The following PPP1R12A variants were observed in gnomAD, a reference collection of about 807,000 sequenced individuals.
The protein encoded by PPP1R12A is myosin binding subunit.
In PPP1R12A, 19 loss-of-function variants were observed where a neutral mutation model predicts 139.6. The ratio of observed to expected loss-of-function variants is 0.14; its 90% confidence interval spans 0.09 to 0.20. The LOEUF (loss-of-function observed/expected upper bound fraction) is 0.20. PPP1R12A is among the 10% of genes least tolerant of loss of function. The probability of loss-of-function intolerance (pLI) is 1.00; values close to 1 mark genes in which losing one functional copy is unlikely to be tolerated. For missense variants in PPP1R12A, 925 were observed against 1,211.5 expected (o/e 0.76, Z 3.51); for synonymous variants, 427 against 420.6 (o/e 1.02, Z -0.19).
At chr12:79,808,620 C>T in intron 10 of PPP1R12A, 43 bp from the exon 11 acceptor site, 1 of 1,167,194 alleles carries the variant, frequency 8.6e-7, no homozygotes, top group Non-Finnish European at 1.3e-6. Context: ...AATTTGGGTA[C>T]TGACTATAGG....
At chr12:79,921,071 T>C (rs539304387) in intron 1 of PPP1R12A, among the ~76,000 whole-genome samples, 59 of 152,316 alleles carry the variant, frequency 3.9e-4, no homozygotes, top group South Asian at 2.7e-3. Flanking sequence ...TGTTGGTATA[T>C]TTTTGCTCAA....
rs924105725 is a variant in PPP1R12A, at chr12:79,841,928, G to A, written c.487+3374C>T. On this transcript the variant is annotated intron_variant, in intron 3 of 24. Coordinates refer to ENST00000450142, the MANE Select transcript of PPP1R12A (RefSeq NM_002480.3). ...TCTATTGCATTTCTTGTTTTTTTTAGGCTCTAGTTATATTTAATCACTTTT... is the reference window on the plus strand; with the variant it reads ...TCTATTGCATTTCTTGTTTTTTTTAAGCTCTAGTTATATTTAATCACTTTT... 2.0e-5 allele frequency among the ~76,000 whole-genome samples: 3 copies of A among 151,768 alleles called. No homozygotes were observed. The East Asian group carries it at 5.8e-4, about 29-fold the overall frequency.
intron 8 of PPP1R12A, 111 bp downstream of exon 8, chr12:79,820,663 T>G (rs532269407): frequency 3.3e-4 from 334 of 1,023,420 alleles, no homozygotes; most frequent in East Asian, 1.1e-3. Context: ...GTGTGGCAGG[T>G]ATCTAAACAA....
chr12:79,929,246 T>C (rs1190025322), intron 1 of PPP1R12A, among the ~76,000 whole-genome samples: 6 of 152,210 alleles, frequency 3.9e-5, no homozygotes, highest in Non-Finnish European at 7.3e-5. Context: ...GCAGTAATGC[T>C]AGCTTGCCAG....
At chr12:79,890,572 T>A (rs1436841052) in intron 1 of PPP1R12A, among the ~76,000 whole-genome samples, 1 of 152,188 alleles carries the variant, frequency 6.6e-6, no homozygotes, top group Non-Finnish European at 1.5e-5. Flanking sequence ...AATAAGCATA[T>A]GTAATATGCA....
chr12:79,788,483 TAAAC>T (rs1470021194), intron 21 of PPP1R12A, 161 bp downstream of exon 21: 10 of 606,268 alleles, frequency 1.6e-5, no homozygotes, highest in African/African-American at 1.5e-4. Context: ...TTCCCTTTAA[TAAAC>T]AAACAGCTAT....
intron 20 of PPP1R12A, 134 bp downstream of exon 20, chr12:79,790,333 T>A (rs1871680434): frequency 1.8e-6 from 1 of 545,170 alleles, no homozygotes; most frequent in East Asian, 3.1e-5. Flanking sequence ...GTAACAATGA[T>A]AAGGCCATCA....
chr12:79,838,724 G>C (rs1428926691), intron 3 of PPP1R12A, among the ~76,000 whole-genome samples: 1 of 152,234 alleles, frequency 6.6e-6, no homozygotes, highest in South Asian at 2.1e-4. Context: ...CTATGGGTGT[G>C]CAGAAGTCAA....
chr12:79,866,795 C>T (rs1000656801), intron 2 of PPP1R12A, among the ~76,000 whole-genome samples: 4 of 152,044 alleles, frequency 2.6e-5, no homozygotes, highest in African/African-American at 7.3e-5. Flanking sequence ...GTTAGAATGG[C>T]GATCATTAAA....
intron 1 of PPP1R12A, among the ~76,000 whole-genome samples, chr12:79,905,458 A>G (rs774587208): frequency 1.3e-5 from 2 of 151,168 alleles, no homozygotes; most frequent in Non-Finnish European, 2.9e-5. Flanking sequence ...AACAAACTCA[A>G]AGGGGTTAAT....
At chr12:79,845,994 C>A (rs947421556) in intron 2 of PPP1R12A, among the ~76,000 whole-genome samples, 4 of 47,114 alleles carry the variant, frequency 8.5e-5, no homozygotes, top group Non-Finnish European at 2.6e-4. Context: ...CTGGTCTCTG[C>A]GCTCCCAATC....
In PPP1R12A at chr12:79,916,138, A is replaced by AAACAAATGTACCTATAAAC. The variant is rs71441961; in HGVS notation, c.237+18538_237+18556dup. Among the ~76,000 whole-genome samples the AAACAAATGTACCTATAAAC allele has an allele frequency of 4.7e-5, 7 of 150,534 alleles. No individual in the cohort carries two copies. The South Asian group carries it at 6.3e-4, about 14-fold the overall frequency. On this transcript the variant is annotated intron_variant, in intron 1 of 24. Transcript: ENST00000450142. ...CCAGTGTAGAGTAGAAGACCATTTT[A>AAACAAATGTACCTATAAAC]AACAAATGTACCTATAAACAACAAA...
At chr12:79,917,385 T>C (rs1456657017) in intron 1 of PPP1R12A, among the ~76,000 whole-genome samples, 1 of 147,716 alleles carries the variant, frequency 6.8e-6, no homozygotes, top group Non-Finnish European at 1.5e-5. Flanking sequence ...CTCGGGAGGC[T>C]GAGGCAGGAG....
chr12:79,879,148 G>C (rs1488164715), intron 1 of PPP1R12A, among the ~76,000 whole-genome samples: 1 of 152,206 alleles, frequency 6.6e-6, no homozygotes, highest in Non-Finnish European at 1.5e-5. Context: ...GGGAGGCTGA[G>C]GTAGGCAGAT....
At chr12:79,778,378 T>C in intron 24 of PPP1R12A, 172 bp downstream of exon 24, 1 of 411,312 alleles carries the variant, frequency 2.4e-6, no homozygotes, top group Non-Finnish European at 4.2e-6. Flanking sequence ...TTAGACCCTC[T>C]TCTGGCTCAC....
intron 1 of PPP1R12A, among the ~76,000 whole-genome samples, chr12:79,929,098 T>C (rs1238752579): frequency 6.6e-6 from 1 of 152,212 alleles, no homozygotes; most frequent in East Asian, 1.9e-4. Context: ...GAAACTGTTC[T>C]ACCTCACATC....
intron 1 of PPP1R12A, among the ~76,000 whole-genome samples, chr12:79,924,570 A>C (rs1426053180): frequency 2.0e-5 from 3 of 152,142 alleles, no homozygotes; most frequent in African/African-American, 7.2e-5. Flanking sequence ...CTGGGACCAC[A>C]GATGCGTGTC....
In PPP1R12A at chr12:79,773,604, C is replaced by G. The variant is rs1869467439; in HGVS notation, c.*2325G>C. ...GACAGCTTTATGTAAAATATATAAA[C>G]ATTTGTCCAAATTGGTACACAGATT... On this transcript the variant is annotated 3_prime_UTR_variant, in exon 25 of 25. Transcript: ENST00000450142. 6.6e-6 allele frequency: 1 copy of G among 152,132 alleles called. No individual in the cohort carries two copies. The allele number at this position is 152,132 out of a possible 1,614,324, so 9.4% of individuals were successfully genotyped here. A position where few individuals can be genotyped will look rare whatever the true frequency, so the allele number is the denominator to read the frequency against.
At chr12:79,841,259 C>G (rs985608599) in intron 3 of PPP1R12A, among the ~76,000 whole-genome samples, 2 of 152,108 alleles carry the variant, frequency 1.3e-5, no homozygotes, top group Admixed American at 1.3e-4. Flanking sequence ...CATTTTGATA[C>G]CCCGCCTTTT....
Sources: gnomAD v4.1 joint callset for allele counts (sites outside exome capture counted in the v4.1 genomes callset) on GRCh38, gnomAD v4.1.1 for gene constraint, MANE v1.5 for transcripts, NCBI Gene and HGNC (gene_info 2026-07-23, HGNC 2026-07-21) for gene names.